Variants in TOP3A observed in about 807,000 individuals in gnomAD.
The protein encoded by TOP3A is DNA topoisomerase 3-alpha.
In TOP3A, 64 loss-of-function variants were observed where a neutral mutation model predicts 111.3. The ratio of observed to expected loss-of-function variants is 0.57; its 90% CI spans 0.47 to 0.71. TOP3A has a LOEUF of 0.71. TOP3A is among the 30% of genes least tolerant of loss of function. TOP3A has a pLI of 0.00. For synonymous variants in TOP3A, 484 were observed against 485.1 expected (o/e 1.00, Z 0.03); for missense variants, 1,104 against 1,285.0 (o/e 0.86, Z 2.15).
chr17:18,310,726 A>C (rs1427478856), intron 1 of TOP3A, among the ~76,000 whole-genome samples: 4 of 152,166 alleles, frequency 2.6e-5, no homozygotes, highest in Non-Finnish European at 4.4e-5. Flanking sequence ...AGTGGACAAA[A>C]TTCCACTGAA....
chr17:18,280,779 C>A, intron 16 of TOP3A, 121 bp from the exon 17 acceptor site: 1 of 1,137,294 alleles, frequency 8.8e-7, no homozygotes, highest in South Asian at 1.5e-5. Flanking sequence ...CTGGATGACA[C>A]TTAACTGGAT....
rs563056569 is a variant in TOP3A at position 18,273,593 on chromosome 17, A to C, written c.*1209T>G. Among the ~76,000 whole-genome samples, 1 of 151,996 alleles carries C rather than the reference A, an allele frequency of 6.6e-6. No individual in the cohort carries two copies. Among genetic ancestry groups the C allele is most frequent in the Admixed American group, 6.6e-5 (1 of 15,246 alleles). Reference sequence around the variant, plus strand: ...TGCAAATGTTCCCCAGACCCTCTGCACTCTCGCAGGTCAGAGTAAAAAAAG... The same window carrying C: ...TGCAAATGTTCCCCAGACCCTCTGCCCTCTCGCAGGTCAGAGTAAAAAAAG... On this transcript the variant is annotated 3_prime_UTR_variant, in exon 19 of 19. Transcript: ENST00000321105.
chr17:18,288,368 G>T (rs1020572663), intron 13 of TOP3A, among the ~76,000 whole-genome samples: 2 of 151,866 alleles, frequency 1.3e-5, no homozygotes, highest in Admixed American at 6.6e-5. Context: ...GTCCAGGCTG[G>T]TCTTGAACTC....
rs756153724 is a variant in TOP3A at position 18,278,368 on chromosome 17, C to CA, written c.2145-12dup. 3.6e-5 allele frequency: 55 copies of CA among 1,507,428 alleles called. 1 individual carries two copies. The highest frequency in any genetic ancestry group is 6.2e-6 in the Non-Finnish European group (7 of 1,129,044). 93.4% of individuals were successfully genotyped at this position (1,507,428 alleles called of 1,614,324 possible). A position where few individuals can be genotyped will look rare whatever the true frequency, so the allele number is the denominator to read the frequency against. The stretch of plus-strand genomic sequence containing the variant: ...AACTTTAACTTTAACCTAGTGAGGC[C>CA]AGAAGATGAGAAAAAACATTAACAA... On this transcript the variant is annotated splice_polypyrimidine_tract_variant and intron_variant, in intron 17 of 18. Transcript: ENST00000321105.
chr17:18,280,495 C>T lies in TOP3A; in HGVS notation c.2144+41G>A, dbSNP rs766291251. ...GCAGGAGCAAGGGAAAGATGGTGTACACACTCCAGAGGAGGCACCTGACTC... is the reference window on the plus strand; with the variant it reads ...GCAGGAGCAAGGGAAAGATGGTGTATACACTCCAGAGGAGGCACCTGACTC... On this transcript the variant is annotated intron_variant, in intron 17 of 18. Transcript: ENST00000321105. 6.2e-6 allele frequency: 10 copies of T among 1,601,666 alleles called. No individual in the cohort carries two copies. The Admixed American group carries it at 1.2e-4, about 19-fold the overall frequency.
At chr17:18,309,449 C>G (rs1567753082) in intron 1 of TOP3A, among the ~76,000 whole-genome samples, 1 of 151,972 alleles carries the variant, frequency 6.6e-6, no homozygotes, top group East Asian at 2.0e-4. Flanking sequence ...CCGAGACCAG[C>G]CTGGCCAACA....
In TOP3A at chr17:18,282,610, A is replaced by G. The variant is rs1979826339; in HGVS notation, c.2021+88T>C. On this transcript the variant is annotated intron_variant, in intron 16 of 18. Transcript: ENST00000321105. ...CAACAGGCCTGTCTTGAAAGATTCC[A>G]TGGAGTGAAATGGCAGGGTCTTTCG... 5 of 1,564,990 alleles carry G rather than the reference A, an allele frequency of 3.2e-6. No homozygotes were observed. The South Asian group carries it at 5.8e-5, about 18-fold the overall frequency.
At chr17:18,284,126 G>C (rs1471164242) in intron 15 of TOP3A, among the ~76,000 whole-genome samples, 1 of 151,618 alleles carries the variant, frequency 6.6e-6, no homozygotes, top group East Asian at 1.9e-4. Context: ...CAGCCTCCCA[G>C]GTAGCTGGGA....
rs776733495 is a variant in TOP3A, at chr17:18,299,615, C to T, written c.934G>A (p.Val312Ile). 5.0e-6 allele frequency: 8 copies of T among 1,614,078 alleles called. No individual in the cohort carries two copies. The South Asian group carries it at 7.7e-5, about 16-fold the overall frequency. The change falls in exon 9 of 19, where the codon GTA becomes ATA. Residue 312 changes from valine (V) to isoleucine (I), a missense_variant. Coordinates refer to ENST00000321105, the MANE Select transcript of TOP3A (RefSeq NM_004618.5). ...CTCTTGGGCTTAGATCTGACCTCTA[C>T]CACAGTTGCCATGGGATCCTAGAAA... is the stretch of plus-strand genomic sequence containing the variant. ...LCVEDPMATV[V>I]EVRSKPKSKW...
At chr17:18,277,272 ACTGGGAAGGC>A (rs2142931186) in intron 18 of TOP3A, among the ~76,000 whole-genome samples, 1 of 150,752 alleles carries the variant, frequency 6.6e-6, no homozygotes, top group African/African-American at 2.4e-5. Flanking sequence ...TGGCCATGGG[ACTGGGAAGGC>A]CTATGTACTC....
intron 13 of TOP3A, among the ~76,000 whole-genome samples, chr17:18,290,350 G>C (rs555649590): frequency 5.0e-4 from 76 of 152,324 alleles, no homozygotes; most frequent in Non-Finnish European, 9.0e-4. Flanking sequence ...AGCACTGACT[G>C]TGGAGTTATT....
chr17:18,309,336 T>C (rs576827078), intron 1 of TOP3A, among the ~76,000 whole-genome samples: 2 of 152,316 alleles, frequency 1.3e-5, no homozygotes, highest in South Asian at 4.1e-4. Context: ...AGTTATCACA[T>C]GTCACAGCAA....
At position 18,272,390 on chromosome 17, in the gene TOP3A, T is replaced by C. The variant is rs1022373729; in HGVS notation, c.*2412A>G. On this transcript the variant is annotated 3_prime_UTR_variant, in exon 19 of 19. Coordinates refer to ENST00000321105, the MANE Select transcript of TOP3A (RefSeq NM_004618.5). ...GTAGGTTCCTCAAAAAGTCAAAACA[T>C]GGAGTTATGGTATAAAACTACAATT... Among the ~76,000 whole-genome samples, 1 of 152,242 alleles carries C rather than the reference T, an allele frequency of 6.6e-6. No homozygotes were observed. The highest frequency in any genetic ancestry group is 1.5e-5 in the Non-Finnish European group (1 of 68,042).
intron 10 of TOP3A, 125 bp downstream of exon 10, chr17:18,294,578 T>C (rs1188163901): frequency 1.5e-6 from 1 of 679,632 alleles, no homozygotes; most frequent in African/African-American, 1.8e-5. Context: ...TCTGCCCGCC[T>C]CAGCCACCCA....
chr17:18,275,392 A>G lies in TOP3A; in HGVS notation c.2828-412T>C, dbSNP rs539053965. On this transcript the variant is annotated intron_variant, in intron 18 of 18. Coordinates refer to ENST00000321105, the MANE Select transcript of TOP3A (RefSeq NM_004618.5). ...TTTGAGATGGAGTCTTCGCTCTGTC[A>G]CCCAGGCTGGAGTGTGGAGTGCAGT... Among the ~76,000 whole-genome samples the G allele has an allele frequency of 2.5e-4, 30 of 119,368 alleles. No homozygotes were observed. In the South Asian group the frequency reaches 8.0e-3, roughly 32 times the overall value. 78.3% of individuals were successfully genotyped at this position (119,368 alleles called of 152,430 possible).
chr17:18,302,105 G>A lies in TOP3A; in HGVS notation c.815-120C>T, dbSNP rs1311664426. On this transcript the variant is annotated intron_variant, in intron 7 of 18. Transcript: ENST00000321105. ...AATATCAAATAGGGAGGAGTTTCTGGATAACAAAGGGAACTTTAAGTGGAT... is the reference window on the plus strand; with the variant it reads ...AATATCAAATAGGGAGGAGTTTCTGAATAACAAAGGGAACTTTAAGTGGAT... 4 of 1,359,776 alleles carry A rather than the reference G, an allele frequency of 2.9e-6. No homozygotes were observed. In the African/African-American group the frequency reaches 5.9e-5, roughly 20 times the overall value. The allele number at this position is 1,359,776 out of a possible 1,614,324, so 84.2% of individuals were successfully genotyped here. A position where few individuals can be genotyped will look rare whatever the true frequency, so the allele number is the denominator to read the frequency against.
chr17:18,302,768 G>A, intron 5 of TOP3A, 45 bp from the exon 6 acceptor site: 2 of 1,586,600 alleles, frequency 1.3e-6, no homozygotes, highest in Middle Eastern at 1.7e-4. Context: ...AAATCACACT[G>A]CCCTCCATCA....
At position 18,314,742 on chromosome 17, in the gene TOP3A, G is replaced by A; in HGVS notation, c.37C>T (p.Leu13=). Residue 13 remains leucine, a synonymous_variant, in exon 1 of 19, where the codon CTG becomes TTG. Transcript: ENST00000321105. ...FPVARYALRW[L]RRPEDRAFSR... ...AAGGCACGGTCTTCGGGCCGTCGCA[G>A]CCACCGGAGCGCGTAGCGGGCGACA... is the stretch of plus-strand genomic sequence containing the variant. 1 of 1,572,974 alleles carries A rather than the reference G, an allele frequency of 6.4e-7. No homozygotes were observed. The highest frequency in any genetic ancestry group is 8.6e-7 in the Non-Finnish European group (1 of 1,159,654).
intron 13 of TOP3A, among the ~76,000 whole-genome samples, chr17:18,288,948 G>A (rs187019704): frequency 1.7e-4 from 26 of 152,268 alleles, no homozygotes; most frequent in African/African-American, 5.1e-4. Context: ...CTCAGTCTCT[G>A]CCTTCCGGGC....
Sources: gnomAD v4.1 joint callset for allele counts (sites outside exome capture counted in the v4.1 genomes callset) on GRCh38, gnomAD v4.1.1 for gene constraint, MANE v1.5 for transcripts, NCBI Gene and HGNC (gene_info 2026-07-23, HGNC 2026-07-21) for gene names.